Variants in ANKS1B observed in about 807,000 individuals in gnomAD.
The protein encoded by ANKS1B is ankyrin repeat and sterile alpha motif domain-containing protein 1B.
ANKS1B carries 36 observed loss-of-function variants against 148.3 expected under a neutral mutation model. That is an observed-to-expected ratio of 0.24 (90% CI 0.19 to 0.32). The LOEUF (loss-of-function observed/expected upper bound fraction) is 0.32. Ranked by LOEUF, ANKS1B falls within the 10% of genes least tolerant of loss-of-function variation. ANKS1B has a pLI of 1.00. For synonymous variants in ANKS1B, 542 were observed against 560.8 expected (o/e 0.97, Z 0.47); for missense variants, 1,157 against 1,542.6 (o/e 0.75, Z 4.19).
intron 9 of ANKS1B, among the ~76,000 whole-genome samples, chr12:99,562,262 C>T (rs1352738366): frequency 6.6e-6 from 1 of 152,142 alleles, no homozygotes; most frequent in Non-Finnish European, 1.5e-5. Flanking sequence ...ATCAATTTTG[C>T]ATAGTTCTTA....
intron 10 of ANKS1B, among the ~76,000 whole-genome samples, chr12:99,491,237 G>A (rs1232831369): frequency 2.0e-5 from 3 of 151,944 alleles, no homozygotes; most frequent in Non-Finnish European, 2.9e-5. Context: ...CCTGGGAGGC[G>A]GAGCTTGCAG....
chr12:99,237,072 A>T (rs2088124525), intron 14 of ANKS1B, among the ~76,000 whole-genome samples: 1 of 152,236 alleles, frequency 6.6e-6, no homozygotes, highest in Admixed American at 6.5e-5. Flanking sequence ...TGCAGCAAAC[A>T]TACTTGTATC....
intron 17 of ANKS1B, among the ~76,000 whole-genome samples, chr12:98,973,422 C>A (rs2099885325): frequency 6.6e-6 from 1 of 152,128 alleles, no homozygotes; most frequent in Admixed American, 6.5e-5. Context: ...GTTACAGGTC[C>A]TCCTTTATCT....
At chr12:99,224,199 G>C (rs900387167) in intron 14 of ANKS1B, among the ~76,000 whole-genome samples, 3 of 151,982 alleles carry the variant, frequency 2.0e-5, no homozygotes, top group Non-Finnish European at 2.9e-5. Context: ...CAATTGCATG[G>C]AGAAAAAAGA....
At chr12:99,157,485 T>C (rs1247323263) in intron 14 of ANKS1B, among the ~76,000 whole-genome samples, 1 of 152,214 alleles carries the variant, frequency 6.6e-6, no homozygotes, top group Non-Finnish European at 1.5e-5. Flanking sequence ...GCTTATTAAA[T>C]AAACTTTGTT....
chr12:99,209,621 T>C (rs2083093350), intron 14 of ANKS1B, among the ~76,000 whole-genome samples: 1 of 152,186 alleles, frequency 6.6e-6, no homozygotes. Flanking sequence ...TGCCCAATAT[T>C]GTAACCAGAG....
At chr12:99,928,784 A>C (rs184157886) in intron 1 of ANKS1B, among the ~76,000 whole-genome samples, 1 of 152,244 alleles carries the variant, frequency 6.6e-6, no homozygotes, top group African/African-American at 2.4e-5. Context: ...AAGGGTATAA[A>C]CCCTCTCAGG....
chr12:99,087,743 T>G (rs886735308), intron 15 of ANKS1B, among the ~76,000 whole-genome samples: 1 of 152,188 alleles, frequency 6.6e-6, no homozygotes, highest in Non-Finnish European at 1.5e-5. Flanking sequence ...CTTCAGCCCA[T>G]GTAGAATAGA....
intron 12 of ANKS1B, among the ~76,000 whole-genome samples, chr12:99,356,374 T>C (rs2091982431): frequency 6.6e-6 from 1 of 152,212 alleles, no homozygotes; most frequent in South Asian, 2.1e-4. Flanking sequence ...CTCTATGAAA[T>C]TGTCCAAAGT....
At position 99,740,047 on chromosome 12, in the gene ANKS1B, A is replaced by G. The variant is rs556371114; in HGVS notation, c.1128+32875T>C. ...AGTCGGTAGCCAGGAACAGTGGCTC[A>G]CACCTGCAATCCAGCACTTTTGGAG... On this transcript the variant is annotated intron_variant, in intron 8 of 26. Coordinates refer to ENST00000683438, the MANE Select transcript of ANKS1B (RefSeq NM_001352186.2). Among the ~76,000 whole-genome samples, 7 of 152,306 alleles carry G rather than the reference A, an allele frequency of 4.6e-5. No homozygotes were observed. In the East Asian group the frequency reaches 1.4e-3, roughly 29 times the overall value.
intron 1 of ANKS1B, among the ~76,000 whole-genome samples, chr12:99,846,645 T>A (rs1022169423): frequency 1.3e-5 from 2 of 152,110 alleles, no homozygotes; most frequent in African/African-American, 4.8e-5. Context: ...TTCTTGAATA[T>A]TTAAAAAGAT....
At position 99,203,738 on chromosome 12, in the gene ANKS1B, A is replaced by C. The variant is rs1177822674; in HGVS notation, c.2419+40604T>G. Among the ~76,000 whole-genome samples the C allele has an allele frequency of 5.9e-5, 9 of 152,232 alleles. No individual in the cohort carries two copies. In the South Asian group the frequency reaches 1.9e-3, roughly 31 times the overall value. On this transcript the variant is annotated intron_variant, in intron 14 of 26. Coordinates refer to ENST00000683438, the MANE Select transcript of ANKS1B (RefSeq NM_001352186.2). Reference sequence around the variant, plus strand: ...AGTGCTGGGATTACAGGCGTGAGCCACTGCACCCGGCCAAGACCTGCTTCT... The same window carrying C: ...AGTGCTGGGATTACAGGCGTGAGCCCCTGCACCCGGCCAAGACCTGCTTCT...
At position 99,888,321 on chromosome 12, in the gene ANKS1B, CCTAA is replaced by C. The variant is rs1025735415; in HGVS notation, c.135-62936_135-62933del. On this transcript the variant is annotated intron_variant, in intron 1 of 26. Transcript: ENST00000683438. Reference sequence around the variant, plus strand: ...GCTCTGCTCCTTGAAACTAAAATGACCTAACTAACGTAGCTTCACAAAGGAAGGC... The same window carrying C: ...GCTCTGCTCCTTGAAACTAAAATGACCTAACGTAGCTTCACAAAGGAAGGC... 5.6e-4 allele frequency among the ~76,000 whole-genome samples: 85 copies of C among 152,290 alleles called. 1 individual carries two copies. Among genetic ancestry groups the C allele is most frequent in the Non-Finnish European group, 2.4e-4 (16 of 68,022 alleles).
intron 12 of ANKS1B, among the ~76,000 whole-genome samples, chr12:99,250,387 C>A (rs7967964): frequency 0.32 from 48,785 of 152,052 alleles, 9,268 homozygotes; most frequent in African/African-American, 0.54. Flanking sequence ...CAGGAGGGGC[C>A]GTCCCTCCAC....
chr12:99,536,373 T>G (rs1021255269), intron 9 of ANKS1B, among the ~76,000 whole-genome samples: 3 of 152,320 alleles, frequency 2.0e-5, no homozygotes, highest in African/African-American at 7.2e-5. Flanking sequence ...AATTTTGCTA[T>G]GAACCTAAAA....
At chr12:99,747,854 C>CA (rs1292296333) in intron 8 of ANKS1B, among the ~76,000 whole-genome samples, 1 of 152,044 alleles carries the variant, frequency 6.6e-6, no homozygotes, top group Non-Finnish European at 1.5e-5. Context: ...TAATCCTTGC[C>CA]AAAAAACAAC....
chr12:99,317,751 A>G (rs1308182034), intron 12 of ANKS1B, among the ~76,000 whole-genome samples: 2 of 152,184 alleles, frequency 1.3e-5, no homozygotes, highest in Non-Finnish European at 2.9e-5. Flanking sequence ...CCAGTTTTCA[A>G]AGGGAATGCT....
intron 17 of ANKS1B, among the ~76,000 whole-genome samples, chr12:98,943,678 C>T (rs530695791): frequency 9.2e-5 from 14 of 152,286 alleles, no homozygotes; most frequent in Middle Eastern, 6.8e-3. Context: ...TGATTAAGCC[C>T]AGCAAAATAA....
At chr12:99,898,674 T>G (rs1015442811) in intron 1 of ANKS1B, among the ~76,000 whole-genome samples, 4 of 152,158 alleles carry the variant, frequency 2.6e-5, no homozygotes, top group African/African-American at 9.7e-5. Context: ...GGAACAACGA[T>G]GAAGAAAGCA....
Sources: gnomAD v4.1 joint callset for allele counts (sites outside exome capture counted in the v4.1 genomes callset) on GRCh38, gnomAD v4.1.1 for gene constraint, MANE v1.5 for transcripts, NCBI Gene and HGNC (gene_info 2026-07-23, HGNC 2026-07-21) for gene names.